The following FARP2 variants were observed in gnomAD, a reference collection of about 807,000 sequenced individuals.
FARP2 encodes FERM, ARH/RhoGEF and pleckstrin domain protein 2, also known as FERM, ARHGEF and pleckstrin domain-containing protein 2.
Under a neutral mutation model 130.5 loss-of-function variants are expected in FARP2, and 111 were observed. The ratio of observed to expected loss-of-function variants is 0.85; its 90% CI spans 0.73 to 1.00. The LOEUF (loss-of-function observed/expected upper bound fraction) is 1.00, where lower values mean the gene tolerates loss of function less well. Ranked by LOEUF, FARP2 falls within the 50% of genes least tolerant of loss-of-function variation. FARP2 has a pLI of 0.00. For synonymous variants in FARP2, 504 were observed against 516.9 expected (o/e 0.98, Z 0.34); for missense variants, 1,385 against 1,346.3 (o/e 1.03, Z -0.45).
In FARP2 at chr2:241,357,925, A is replaced by G. The variant is rs138768348; in HGVS notation, c.-25+1537A>G. Among the ~76,000 whole-genome samples, 1,037 of 152,332 alleles carry G rather than the reference A, an allele frequency of 6.8e-3. 6 individuals are homozygous for G. Among genetic ancestry groups the G allele is most frequent in the Admixed American group, 0.012 (188 of 15,304 alleles). On this transcript the variant is annotated intron_variant, in intron 1 of 26. Transcript: ENST00000264042. ...GTTTAAAATTTACTTGGCCAGGCACAGTGGCTGTAATCCCAGCACTTTGGG... is the reference window on the plus strand; with the variant it reads ...GTTTAAAATTTACTTGGCCAGGCACGGTGGCTGTAATCCCAGCACTTTGGG...
At chr2:241,484,028 A>G in intron 20 of FARP2, 1 of 1,356,832 alleles carries the variant, frequency 7.4e-7, no homozygotes, top group Non-Finnish European at 9.5e-7. Context: ...GCTAGCTGGG[A>G]GCTGACCCAG....
intron 17 of FARP2, among the ~76,000 whole-genome samples, chr2:241,467,706 G>A (rs1445576967): frequency 1.3e-5 from 2 of 151,534 alleles, no homozygotes; most frequent in African/African-American, 2.4e-5. Context: ...CAGCACAACC[G>A]CTTAGTTCCA....
At chr2:241,357,703 G>A (rs60624480) in intron 1 of FARP2, among the ~76,000 whole-genome samples, 55,075 of 151,994 alleles carry the variant, frequency 0.36, 10,584 homozygotes, top group East Asian at 0.67. Flanking sequence ...TTCTCATTAG[G>A]TGGTTCACTG....
intron 7 of FARP2, among the ~76,000 whole-genome samples, chr2:241,417,622 C>T (rs1422653584): frequency 7.5e-6 from 1 of 133,362 alleles, no homozygotes; most frequent in Admixed American, 8.4e-5. Context: ...TGTGCCCGGC[C>T]CTCTGTGGTG....
chr2:241,433,582 G>A (rs2063145314), intron 9 of FARP2, among the ~76,000 whole-genome samples: 2 of 152,182 alleles, frequency 1.3e-5, no homozygotes, highest in African/African-American at 4.8e-5. Context: ...GGTAGAAAAA[G>A]TGTTTACAAA....
intron 21 of FARP2, among the ~76,000 whole-genome samples, chr2:241,485,564 TA>T (rs2064732958): frequency 6.7e-6 from 1 of 149,454 alleles, no homozygotes; most frequent in African/African-American, 2.5e-5. Context: ...CCTCCTTCCC[TA>T]GGATCTTCCC....
chr2:241,456,245 GTT>G (rs2063833437), intron 13 of FARP2, among the ~76,000 whole-genome samples: 1 of 152,142 alleles, frequency 6.6e-6, no homozygotes, highest in African/African-American at 2.4e-5. Flanking sequence ...GAATTGAGCA[GTT>G]TTATATGATC....
At chr2:241,393,727 TAAA>T in intron 2 of FARP2, among the ~76,000 whole-genome samples, 1 of 152,314 alleles carries the variant, frequency 6.6e-6, no homozygotes, top group South Asian at 2.1e-4. Context: ...AGACAAAGAA[TAAA>T]GAAGTACTTT....
At chr2:241,430,996 T>C (rs1265410249) in intron 8 of FARP2, among the ~76,000 whole-genome samples, 2 of 150,476 alleles carry the variant, frequency 1.3e-5, no homozygotes, top group African/African-American at 4.9e-5. Flanking sequence ...TGAGACTCTG[T>C]CTCAAAAAAA....
At chr2:241,373,646 A>G (rs1209819765) in intron 2 of FARP2, among the ~76,000 whole-genome samples, 1 of 152,148 alleles carries the variant, frequency 6.6e-6, no homozygotes, top group African/African-American at 2.4e-5. Flanking sequence ...GGATGCGGGG[A>G]TGCCACTTAG....
Position 241,494,187 on chromosome 2 carries a change from T to G in FARP2, c.*62T>G, listed in dbSNP as rs2065040711. ...AACAGCAGGACACAGAGGTGACCTCTGTCCTGAGGCTTCTCAACAGATGGG... is the reference window on the plus strand; with the variant it reads ...AACAGCAGGACACAGAGGTGACCTCGGTCCTGAGGCTTCTCAACAGATGGG... On this transcript the variant is annotated 3_prime_UTR_variant, in exon 27 of 27. Transcript: ENST00000264042. The surrounding 1 kb of genome is among the most constrained non-coding windows in gnomAD (Gnocchi z 4.9). The G allele has an allele frequency of 2.2e-5, 23 of 1,027,592 alleles. No homozygotes were observed. The highest frequency in any genetic ancestry group is 3.0e-5 in the Non-Finnish European group (22 of 729,092). 63.7% of individuals were successfully genotyped at this position (1,027,592 alleles called of 1,614,324 possible).
intron 11 of FARP2, 134 bp downstream of exon 11, chr2:241,435,164 G>T: frequency 1.9e-6 from 1 of 518,008 alleles, no homozygotes; most frequent in Non-Finnish European, 3.4e-6. Flanking sequence ...CATGATCACG[G>T]CTCACTGCAG....
At chr2:241,437,508 C>T (rs2063262924) in intron 12 of FARP2, among the ~76,000 whole-genome samples, 1 of 152,056 alleles carries the variant, frequency 6.6e-6, no homozygotes, top group South Asian at 2.1e-4. Context: ...CTCTCTTGCC[C>T]AGGCTGGAGT....
At chr2:241,369,639 A>G (rs2061382834) in intron 1 of FARP2, among the ~76,000 whole-genome samples, 1 of 151,488 alleles carries the variant, frequency 6.6e-6, no homozygotes, top group Non-Finnish European at 1.5e-5. Context: ...AGAAAACATA[A>G]ATGAGAATTA....
chr2:241,395,193 G>T lies in FARP2; in HGVS notation c.184-8635G>T, dbSNP rs181540225. ...CGGTGTGAGGAAACCTGTTCCTTGT[G>T]ATCAACTCAGGAGCCACAAAGGGCC... On this transcript the variant is annotated intron_variant, in intron 2 of 26. Coordinates refer to ENST00000264042, the MANE Select transcript of FARP2 (RefSeq NM_014808.4). 4.1e-4 allele frequency among the ~76,000 whole-genome samples: 62 copies of T among 152,242 alleles called. 1 individual carries two copies. In the East Asian group the frequency reaches 4.6e-3, roughly 11 times the overall value.
At chr2:241,384,502 T>A (rs970958764) in intron 2 of FARP2, among the ~76,000 whole-genome samples, 7 of 152,254 alleles carry the variant, frequency 4.6e-5, no homozygotes, top group African/African-American at 1.7e-4. Context: ...ATCCTGGAGA[T>A]GCAACTGATA....
At chr2:241,457,228 C>T (rs1442637619) in intron 14 of FARP2, among the ~76,000 whole-genome samples, 6 of 152,238 alleles carry the variant, frequency 3.9e-5, no homozygotes, top group Non-Finnish European at 7.3e-5. Context: ...ATCTTCCAGC[C>T]TCCCCCACTC....
At position 241,484,099 on chromosome 2, in the gene FARP2, A is replaced by G. The variant is rs969170655; in HGVS notation, c.2332-143A>G. On this transcript the variant is annotated intron_variant, in intron 20 of 26. Coordinates refer to ENST00000264042, the MANE Select transcript of FARP2 (RefSeq NM_014808.4). ...TGGTCAAAAACGACCAAATGAATGA[A>G]TAAAAGTCCCCTTTCTGCCAAAAAT... The G allele has an allele frequency of 5.5e-6, 8 of 1,444,066 alleles. 1 individual carries two copies. The highest frequency in any genetic ancestry group is 7.3e-6 in the Non-Finnish European group (8 of 1,093,246). 89.5% of individuals were successfully genotyped at this position (1,444,066 alleles called of 1,614,324 possible). A position where few individuals can be genotyped will look rare whatever the true frequency, so the allele number is the denominator to read the frequency against.
Position 241,456,412 on chromosome 2 carries a change from T to A in FARP2, c.1412-335T>A, listed in dbSNP as rs143651880. On this transcript the variant is annotated intron_variant, in intron 13 of 26. Transcript: ENST00000264042. The stretch of plus-strand genomic sequence containing the variant: ...GCCTTTTGCTTTACACACTTTGTGG[T>A]GCTTAGTTTTATCATAGTTACATAT... The A allele has an allele frequency of 1.4e-4, 28 of 203,226 alleles. No homozygotes were observed. The East Asian group carries it at 2.4e-3, about 17-fold the overall frequency. 12.6% of individuals were successfully genotyped at this position (203,226 alleles called of 1,614,324 possible).
Sources: gnomAD v4.1 joint callset for allele counts (sites outside exome capture counted in the v4.1 genomes callset) on GRCh38, gnomAD v4.1.1 for gene constraint, Gnocchi (gnomAD v3.1) non-coding constraint, MANE v1.5 for transcripts, NCBI Gene and HGNC (gene_info 2026-07-23, HGNC 2026-07-21) for gene names.